ASB18: variants seen among roughly 807,000 people sequenced by gnomAD.
ASB18 encodes the protein ankyrin repeat and SOCS box protein 18.
A neutral mutation model predicts 33.4 loss-of-function variants in ASB18; 33 were observed. The observed-to-expected ratio is 0.99, with a 90% confidence interval of 0.75 to 1.32. The LOEUF (loss-of-function observed/expected upper bound fraction) is 1.32. Ranked by LOEUF, ASB18 falls within the 40% of genes most tolerant of loss-of-function variation. The probability of loss-of-function intolerance (pLI) is 0.00; values close to 1 mark genes in which losing one functional copy is unlikely to be tolerated. For missense variants in ASB18, 694 were observed against 655.5 expected, an observed-to-expected ratio of 1.06 and a Z score of -0.64; for synonymous variants, 295 against 307.6, an observed-to-expected ratio of 0.96 and a Z score of 0.43.
chr2:236,245,040 T>C lies in ASB18; in HGVS notation c.206-3638A>G. On this transcript the variant is annotated intron_variant, in intron 1 of 5. Transcript: ENST00000409749. This position sits in a 1 kb window ranked among gnomAD's most constrained non-coding sequence, Gnocchi z 4.7. Reference sequence around the variant, plus strand: ...ATGCAGGGGGATAAGGGACAGAGGCTGTGCTGTGAAAGCTGAGGGGCTCAC... The same window carrying C: ...ATGCAGGGGGATAAGGGACAGAGGCCGTGCTGTGAAAGCTGAGGGGCTCAC... Among the ~76,000 whole-genome samples, 1 of 152,098 alleles carries C rather than the reference T, an allele frequency of 6.6e-6. No homozygotes were observed. The highest frequency in any genetic ancestry group is 1.5e-5 in the Non-Finnish European group (1 of 68,010).
At position 236,252,641 on chromosome 2, in the gene ASB18, C is replaced by T. The variant is rs549001433; in HGVS notation, c.206-11239G>A. On this transcript the variant is annotated intron_variant, in intron 1 of 5. Coordinates refer to ENST00000409749, the MANE Select transcript of ASB18 (RefSeq NM_212556.4). This position sits in a 1 kb window ranked among gnomAD's most constrained non-coding sequence, Gnocchi z 7.9. ...GGTGTCACTAGCCACCATGCTATGG[C>T]GCATGGGACACAGGTGCAGTCAGGA... is the stretch of plus-strand genomic sequence containing the variant. Among the ~76,000 whole-genome samples the T allele has an allele frequency of 6.6e-6, 1 of 152,196 alleles. No homozygotes were observed. Among genetic ancestry groups the T allele is most frequent in the Admixed American group, 6.5e-5 (1 of 15,302 alleles).
In ASB18 at chr2:236,255,534, T is replaced by G. The variant is rs2106285931; in HGVS notation, c.205+8607A>C. Among the ~76,000 whole-genome samples, 1 of 152,242 alleles carries G rather than the reference T, an allele frequency of 6.6e-6. No individual in the cohort carries two copies. Among genetic ancestry groups the G allele is most frequent in the South Asian group, 2.1e-4 (1 of 4,824 alleles). ...TGGGCACATTGCATGCCACAGGGAT[T>G]TTGCTGGTAAAGCAGGAGAGGAGGG... On this transcript the variant is annotated intron_variant, in intron 1 of 5. Transcript: ENST00000409749. The surrounding 1 kb of genome is among the most constrained non-coding windows in gnomAD (Gnocchi z 4.4).
At position 236,237,039 on chromosome 2, in the gene ASB18, C is replaced by G. The variant is rs931212926; in HGVS notation, c.596+650G>C. Among the ~76,000 whole-genome samples the G allele has an allele frequency of 6.6e-6, 1 of 151,800 alleles. No individual in the cohort carries two copies. Among genetic ancestry groups the G allele is most frequent in the African/African-American group, 2.4e-5 (1 of 41,372 alleles). The stretch of plus-strand genomic sequence containing the variant: ...TCTGGGGACGGGGGCTGCGGGACCC[C>G]CAGACCCCGCGCCCGGGCGCGAACT... On this transcript the variant is annotated intron_variant, in intron 3 of 5. Transcript: ENST00000409749. The surrounding 1 kb of genome is among the most constrained non-coding windows in gnomAD (Gnocchi z 6.2).
At chr2:236,199,411 CAAAAAAAA>C (rs368012989) in intron 4 of ASB18, among the ~76,000 whole-genome samples, 30,965 of 113,190 alleles carry the variant, frequency 0.27, 4,749 homozygotes, top group African/African-American at 0.45. Context: ...GACTCTGTTT[CAAAAAAAA>C]AAAAAAAAAG....
rs1291807886 is a variant in ASB18, at chr2:236,225,379, A to G, written c.597-10513T>C. Among the ~76,000 whole-genome samples, 1 of 152,182 alleles carries G rather than the reference A, an allele frequency of 6.6e-6. No individual in the cohort carries two copies. Among genetic ancestry groups the G allele is most frequent in the Non-Finnish European group, 1.5e-5 (1 of 68,022 alleles). ...CCTCTAGCCTTGGCCTCCTAAAATG[A>G]TGGGATTACAGGCAGGAGCCACTGT... On this transcript the variant is annotated intron_variant, in intron 3 of 5. Coordinates refer to ENST00000409749, the MANE Select transcript of ASB18 (RefSeq NM_212556.4). The surrounding 1 kb of genome is among the most constrained non-coding windows in gnomAD (Gnocchi z 5.1).
intron 1 of ASB18, among the ~76,000 whole-genome samples, chr2:236,258,917 A>G (rs2060705499): frequency 1.3e-5 from 2 of 152,254 alleles, no homozygotes; most frequent in Non-Finnish European, 2.9e-5. Context: ...TGACTTGTAT[A>G]TAATATATCA....
intron 3 of ASB18, among the ~76,000 whole-genome samples, chr2:236,236,093 T>C (rs1361225595): frequency 1.3e-5 from 2 of 152,232 alleles, no homozygotes; most frequent in East Asian, 3.8e-4. Context: ...ATGTGCATGA[T>C]AACTTTGTTT....
rs1174943994 is a variant in ASB18, at chr2:236,231,440, A to AT, written c.596+6248dup. On this transcript the variant is annotated intron_variant, in intron 3 of 5. Coordinates refer to ENST00000409749, the MANE Select transcript of ASB18 (RefSeq NM_212556.4). The surrounding 1 kb of genome is among the most constrained non-coding windows in gnomAD (Gnocchi z 5.5). ...TTGAGGGATTAAATTTGCCTCTTCC[A>AT]TTTTTTCTGCTCCTCTGCCATGTGA... is the stretch of plus-strand genomic sequence containing the variant. 1.3e-5 allele frequency among the ~76,000 whole-genome samples: 2 copies of AT among 152,080 alleles called. No individual in the cohort carries two copies. Among genetic ancestry groups the AT allele is most frequent in the African/African-American group, 2.4e-5 (1 of 41,414 alleles).
chr2:236,242,787 C>T (rs546243638), intron 1 of ASB18, among the ~76,000 whole-genome samples: 80 of 145,412 alleles, frequency 5.5e-4, no homozygotes, highest in Non-Finnish European at 8.3e-4. Context: ...TTTGGGAGGT[C>T]GAGGTGGGAG....
At position 236,264,213 on chromosome 2, in the gene ASB18, C is replaced by T. The variant is rs376276467; in HGVS notation, c.133G>A (p.Ala45Thr). Residue 45 changes from alanine to threonine, a missense_variant, in exon 1 of 6, where the codon GCT (alanine) becomes ACT (threonine). Coordinates refer to ENST00000409749, the MANE Select transcript of ASB18 (RefSeq NM_212556.4). The surrounding 1 kb of genome is among the most constrained non-coding windows in gnomAD (Gnocchi z 5.1). Reference sequence around the variant, plus strand: ...TCGTCATTGGCCAGTTCTATCACAGCGTCCACAGGCGTGATTTCAGTGCAG... The same window carrying T: ...TCGTCATTGGCCAGTTCTATCACAGTGTCCACAGGCGTGATTTCAGTGCAG... ...LICTEITPVD[A>T]VIELANDDWM... 5.6e-6 allele frequency: 9 copies of T among 1,613,952 alleles called. No individual in the cohort carries two copies. Among genetic ancestry groups the T allele is most frequent in the South Asian group, 5.5e-5 (5 of 91,086 alleles).
chr2:236,214,477 G>A lies in ASB18; in HGVS notation c.986C>T (p.Pro329Leu). 2.0e-6 allele frequency: 3 copies of A among 1,509,554 alleles called. No individual in the cohort carries two copies. The highest frequency in any genetic ancestry group is 2.1e-4 in the Middle Eastern group (1 of 4,730). 93.5% of individuals were successfully genotyped at this position (1,509,554 alleles called of 1,614,324 possible). The change falls in exon 4 of 6, where the codon CCG becomes CTG. Residue 329 changes from proline to leucine, a missense_variant. Pro to Leu is a moderately conservative substitution (Grantham distance 98). Coordinates refer to ENST00000409749, the MANE Select transcript of ASB18 (RefSeq NM_212556.4). The surrounding 1 kb of genome is among the most constrained non-coding windows in gnomAD (Gnocchi z 6.5). Reference protein sequence around the residue: ...AGALDYGGASPLGRVLQTASC... With the variant: ...AGALDYGGASLLGRVLQTASC... ...TGCGGTCTGGAGCACGCGGCCCAGC[G>A]GCGAGGCCCCGCCATAGTCGAGCGC...
rs1246481735 is a variant in ASB18, at chr2:236,237,153, A to C, written c.596+536T>G. Reference sequence around the variant, plus strand: ...GCCCCGCCCGAGGAGCTAACCATTTATGTCACACTGTGACAATTATTCTGC... The same window carrying C: ...GCCCCGCCCGAGGAGCTAACCATTTCTGTCACACTGTGACAATTATTCTGC... On this transcript the variant is annotated intron_variant, in intron 3 of 5. Coordinates refer to ENST00000409749, the MANE Select transcript of ASB18 (RefSeq NM_212556.4). This position sits in a 1 kb window ranked among gnomAD's most constrained non-coding sequence, Gnocchi z 6.2. 6.6e-6 allele frequency among the ~76,000 whole-genome samples: 1 copy of C among 152,068 alleles called. No individual in the cohort carries two copies. Among genetic ancestry groups the C allele is most frequent in the Non-Finnish European group, 1.5e-5 (1 of 67,996 alleles).
In ASB18 at chr2:236,238,390, C is replaced by G. The variant is rs762506332; in HGVS notation, c.329-434G>C. 4.6e-5 allele frequency among the ~76,000 whole-genome samples: 7 copies of G among 152,056 alleles called. No individual in the cohort carries two copies. Among genetic ancestry groups the G allele is most frequent in the Non-Finnish European group, 1.5e-5 (1 of 68,020 alleles). ...AGGAAAGTGGGTTGTGGAATTTTCC[C>G]GAATCCAGCACTCCCTTAGCTGAGC... On this transcript the variant is annotated intron_variant, in intron 2 of 5. Transcript: ENST00000409749. The surrounding 1 kb of genome is among the most constrained non-coding windows in gnomAD (Gnocchi z 5.2).
intron 3 of ASB18, among the ~76,000 whole-genome samples, chr2:236,227,307 C>T (rs2060545362): frequency 6.6e-6 from 1 of 152,044 alleles, no homozygotes; most frequent in African/African-American, 2.4e-5. Context: ...AAACATCAAG[C>T]CCCCAAATGA....
rs1038761697 is a variant in ASB18, at chr2:236,223,841, G to A, written c.597-8975C>T. Reference sequence around the variant, plus strand: ...TTCACATTCATCCATACTGTTGCCTGCATGGAGTAATTCATTCTTTTTTTA... The same window carrying A: ...TTCACATTCATCCATACTGTTGCCTACATGGAGTAATTCATTCTTTTTTTA... On this transcript the variant is annotated intron_variant, in intron 3 of 5. Coordinates refer to ENST00000409749, the MANE Select transcript of ASB18 (RefSeq NM_212556.4). The surrounding 1 kb of genome is among the most constrained non-coding windows in gnomAD (Gnocchi z 4.6). 1.3e-5 allele frequency among the ~76,000 whole-genome samples: 2 copies of A among 152,128 alleles called. No individual in the cohort carries two copies. The highest frequency in any genetic ancestry group is 2.9e-5 in the Non-Finnish European group (2 of 68,030).
rs557994936 is a variant in ASB18, at chr2:236,245,514, G to A, written c.206-4112C>T. 2.8e-4 allele frequency among the ~76,000 whole-genome samples: 42 copies of A among 152,254 alleles called. No individual in the cohort carries two copies. The highest frequency in any genetic ancestry group is 2.0e-3 in the Admixed American group (30 of 15,296). On this transcript the variant is annotated intron_variant, in intron 1 of 5. Transcript: ENST00000409749. This position sits in a 1 kb window ranked among gnomAD's most constrained non-coding sequence, Gnocchi z 4.7. ...TCTGCAGTCCCCAGATAGTGCCTTC[G>A]TCTCTCCAGGTGTCTGTGCAGGCTG... is the stretch of plus-strand genomic sequence containing the variant.
In ASB18 at chr2:236,200,566, G is replaced by A. The variant is rs1310669882; in HGVS notation, c.1102-4181C>T. ...TCGCTTGGGGATACACAGCTAGCCTGAGGCAAAGAGCCAGCCCAGAGAATG... is the reference window on the plus strand; with the variant it reads ...TCGCTTGGGGATACACAGCTAGCCTAAGGCAAAGAGCCAGCCCAGAGAATG... On this transcript the variant is annotated intron_variant, in intron 4 of 5. Coordinates refer to ENST00000409749, the MANE Select transcript of ASB18 (RefSeq NM_212556.4). This position sits in a 1 kb window ranked among gnomAD's most constrained non-coding sequence, Gnocchi z 4.2. Among the ~76,000 whole-genome samples the A allele has an allele frequency of 3.9e-5, 6 of 152,154 alleles. No homozygotes were observed. Among genetic ancestry groups the A allele is most frequent in the Non-Finnish European group, 8.8e-5 (6 of 68,028 alleles).
At position 236,231,972 on chromosome 2, in the gene ASB18, A is replaced by T. The variant is rs2060568087; in HGVS notation, c.596+5717T>A. ...ACAAGTCCAATGAAAATCAGCAAGGATATAGAAATATTAAACAACATGGTT... is the reference window on the plus strand; with the variant it reads ...ACAAGTCCAATGAAAATCAGCAAGGTTATAGAAATATTAAACAACATGGTT... On this transcript the variant is annotated intron_variant, in intron 3 of 5. Coordinates refer to ENST00000409749, the MANE Select transcript of ASB18 (RefSeq NM_212556.4). This position sits in a 1 kb window ranked among gnomAD's most constrained non-coding sequence, Gnocchi z 5.5. Among the ~76,000 whole-genome samples the T allele has an allele frequency of 6.6e-6, 1 of 152,234 alleles. No individual in the cohort carries two copies. The highest frequency in any genetic ancestry group is 1.5e-5 in the Non-Finnish European group (1 of 68,034).
At position 236,250,487 on chromosome 2, in the gene ASB18, T is replaced by C. The variant is rs1270723439; in HGVS notation, c.206-9085A>G. 2.6e-5 allele frequency: 4 copies of C among 152,274 alleles called. No homozygotes were observed. Among genetic ancestry groups the C allele is most frequent in the Non-Finnish European group, 5.9e-5 (4 of 68,046 alleles). The allele number at this position is 152,274 out of a possible 1,614,324, so 9.4% of individuals were successfully genotyped here. ...CATTACTCTTGTGGACATTGTGAAA[T>C]TCCGTGCATTCTTTCTTAAATATGC... On this transcript the variant is annotated intron_variant, in intron 1 of 5. Transcript: ENST00000409749. The surrounding 1 kb of genome is among the most constrained non-coding windows in gnomAD (Gnocchi z 4.1).
Sources: gnomAD v4.1 joint callset for allele counts (sites outside exome capture counted in the v4.1 genomes callset) on GRCh38, gnomAD v4.1.1 for gene constraint, Gnocchi (gnomAD v3.1) non-coding constraint, MANE v1.5 for transcripts, NCBI Gene and HGNC (gene_info 2026-07-23, HGNC 2026-07-21) for gene names.